The following ADAM9 variants were observed in gnomAD, a reference collection of about 807,000 sequenced individuals.
The protein encoded by ADAM9 is ADAM metallopeptidase domain 9, also known as disintegrin and metalloproteinase domain-containing protein 9.
Under a neutral mutation model 108.1 loss-of-function variants are expected in ADAM9, and 54 were observed. The observed-to-expected ratio is 0.50, with a 90% CI of 0.40 to 0.63. ADAM9 has a LOEUF of 0.63. ADAM9 is among the 20% of genes least tolerant of loss of function. The pLI is 0.00. For synonymous variants in ADAM9, 316 were observed against 336.0 expected, an observed-to-expected ratio of 0.94 and a Z score of 0.65; for missense variants, 830 against 997.7, an observed-to-expected ratio of 0.83 and a Z score of 2.26.
At chr8:39,054,427 G>A in intron 12 of ADAM9, 54 bp from the exon 13 acceptor site, 2 of 1,425,120 alleles carry the variant, frequency 1.4e-6, no homozygotes, top group African/African-American at 1.4e-5. Flanking sequence ...TTTTATTAAT[G>A]AGTATTCATG....
At chr8:39,010,150 A>AG (rs1836309093) in intron 2 of ADAM9, among the ~76,000 whole-genome samples, 1 of 152,148 alleles carries the variant, frequency 6.6e-6, no homozygotes, top group Admixed American at 6.5e-5. Context: ...GACTAGAAGG[A>AG]GGGGGGTGAA....
intron 2 of ADAM9, among the ~76,000 whole-genome samples, chr8:39,010,277 G>A (rs1836314570): frequency 1.3e-5 from 2 of 152,178 alleles, no homozygotes; most frequent in African/African-American, 4.8e-5. Flanking sequence ...TTATCTAAGA[G>A]CAGAATGAGT....
intron 3 of ADAM9, among the ~76,000 whole-genome samples, chr8:39,011,976 G>A (rs778005926): frequency 6.6e-6 from 1 of 152,184 alleles, no homozygotes; most frequent in African/African-American, 2.4e-5. Flanking sequence ...ACACATATGT[G>A]GGGGAGTTGG....
intron 5 of ADAM9, chr8:39,016,945 T>G: frequency 2.2e-6 from 1 of 445,780 alleles, no homozygotes; most frequent in Non-Finnish European, 4.1e-6. Flanking sequence ...GGATGCCACA[T>G]TCTTAGCCAC....
Position 39,017,345 on chromosome 8 carries a change from CA to C in ADAM9, c.539del (p.Lys180ArgfsTer3). On this transcript the variant is annotated frameshift_variant, in exon 6 of 22. Coordinates refer to ENST00000487273, the MANE Select transcript of ADAM9 (RefSeq NM_003816.3). LOFTEE classifies it high-confidence loss of function. ...KEPLKCGVSN[K>X]DIEKETAKDE... ...AGCCTCTGAAATGTGGAGTTTCCAA[CA>C]AGGATATAGAGAAAGAAACTGCAAA... 6.2e-7 allele frequency: 1 copy of C among 1,614,022 alleles called. No homozygotes were observed. The highest frequency in any genetic ancestry group is 8.5e-7 in the Non-Finnish European group (1 of 1,179,996).
chr8:38,998,467 C>T (rs563526495), intron 1 of ADAM9, among the ~76,000 whole-genome samples: 4 of 152,048 alleles, frequency 2.6e-5, no homozygotes, highest in African/African-American at 9.7e-5. Flanking sequence ...CAGTCATTAC[C>T]GACCTGCATT....
rs1190484793 is a variant in ADAM9 at position 39,071,412 on chromosome 8, A to G, written c.1697+9A>G. On this transcript the variant is annotated intron_variant, in intron 15 of 21. Coordinates refer to ENST00000487273, the MANE Select transcript of ADAM9 (RefSeq NM_003816.3). ...AAGAAGTGTGCCACTGGGTAAGTGGAGGTGCGGTCATAATGGAATATGAAA... is the reference window on the plus strand; with the variant it reads ...AAGAAGTGTGCCACTGGGTAAGTGGGGGTGCGGTCATAATGGAATATGAAA... 2.0e-6 allele frequency: 3 copies of G among 1,506,228 alleles called. No homozygotes were observed. The highest frequency in any genetic ancestry group is 2.4e-5 in the East Asian group (1 of 41,490). 93.3% of individuals were successfully genotyped at this position (1,506,228 alleles called of 1,614,324 possible). A position where few individuals can be genotyped will look rare whatever the true frequency, so the allele number is the denominator to read the frequency against.
At position 39,090,060 on chromosome 8, in the gene ADAM9, A is replaced by G. The variant is rs1457723618; in HGVS notation, c.2082A>G (p.Ala694=). 6 of 1,613,910 alleles carry G rather than the reference A, an allele frequency of 3.7e-6. No homozygotes were observed. Among genetic ancestry groups the G allele is most frequent in the East Asian group, 2.2e-5 (1 of 44,818 alleles). ...TCTTCTCTCTAGAAATGAATACTGC[A>G]TTGAGGGACGGACTTCTGGTCTTCT... ...SGPTYNEMNT[A]LRDGLLVFFF... is the part of the protein sequence containing the mutation. The change falls in exon 19 of 22, where the codon GCA becomes GCG. Residue 694 remains alanine (A), a synonymous_variant. Transcript: ENST00000487273.
At chr8:39,037,760 AC>A (rs1325594787) in intron 11 of ADAM9, among the ~76,000 whole-genome samples, 1 of 152,234 alleles carries the variant, frequency 6.6e-6, no homozygotes, top group Non-Finnish European at 1.5e-5. Flanking sequence ...TGTGCTTACC[AC>A]ATAAAGATCA....
intron 11 of ADAM9, among the ~76,000 whole-genome samples, chr8:39,034,834 A>G (rs1223844499): frequency 1.3e-5 from 2 of 151,792 alleles, no homozygotes; most frequent in Non-Finnish European, 2.9e-5. Flanking sequence ...TTTCATTATC[A>G]TGTTCCTGTT....
intron 14 of ADAM9, among the ~76,000 whole-genome samples, chr8:39,066,539 A>G (rs563495314): frequency 6.6e-6 from 1 of 152,216 alleles, no homozygotes; most frequent in South Asian, 2.1e-4. Flanking sequence ...TGTTGGCTTC[A>G]TAAATGTCTT....
At chr8:39,030,603 T>TA (rs1837066645) in intron 11 of ADAM9, among the ~76,000 whole-genome samples, 1 of 152,234 alleles carries the variant, frequency 6.6e-6, no homozygotes, top group Admixed American at 6.5e-5. Context: ...CTCCTTTGGG[T>TA]GAATACCAAG....
At chr8:39,002,509 G>C (rs1249016587) in intron 1 of ADAM9, among the ~76,000 whole-genome samples, 1 of 151,610 alleles carries the variant, frequency 6.6e-6, no homozygotes. Context: ...TTTTAGTAAA[G>C]ACGGGGTTTC....
At chr8:39,065,046 G>A in intron 14 of ADAM9, among the ~76,000 whole-genome samples, 1 of 152,024 alleles carries the variant, frequency 6.6e-6, no homozygotes, top group East Asian at 1.9e-4. Flanking sequence ...TTCAATCTGG[G>A]AACTCATTTT....
intron 15 of ADAM9, among the ~76,000 whole-genome samples, chr8:39,076,534 A>T (rs1482955506): frequency 2.0e-5 from 3 of 152,178 alleles, no homozygotes; most frequent in Non-Finnish European, 4.4e-5. Flanking sequence ...GAAGATTCAG[A>T]TATAGAGTAG....
intron 13 of ADAM9, 57 bp from the exon 14 acceptor site, chr8:39,055,520 A>G (rs1044981099): frequency 1.2e-5 from 19 of 1,550,110 alleles, no homozygotes; most frequent in Admixed American, 5.0e-5. Flanking sequence ...TTCACATTTG[A>G]TTAATTTGTG....
intron 12 of ADAM9, among the ~76,000 whole-genome samples, chr8:39,045,814 T>A (rs750127831): frequency 8.5e-5 from 13 of 152,164 alleles, no homozygotes; most frequent in Non-Finnish European, 1.8e-4. Context: ...GAGGTTGAAC[T>A]AATTTACATT....
At chr8:39,065,890 A>G (rs1156805714) in intron 14 of ADAM9, among the ~76,000 whole-genome samples, 1 of 152,012 alleles carries the variant, frequency 6.6e-6, no homozygotes, top group East Asian at 1.9e-4. Flanking sequence ...TCCTAATGCT[A>G]TCCCTTCCCA....
At chr8:39,005,373 A>C (rs1836129123) in intron 1 of ADAM9, among the ~76,000 whole-genome samples, 1 of 152,228 alleles carries the variant, frequency 6.6e-6, no homozygotes, top group South Asian at 2.1e-4. Flanking sequence ...AACATTCAGT[A>C]AGCTTATCCT....
Sources: allele counts gnomAD v4.1 joint callset (sites outside exome capture counted in the v4.1 genomes callset), GRCh38; gene constraint gnomAD v4.1.1; transcripts MANE v1.5; gene names NCBI Gene and HGNC (gene_info 2026-07-23, HGNC 2026-07-21).